FGFR4: variants seen among roughly 807,000 people sequenced by gnomAD.
FGFR4 encodes fibroblast growth factor receptor 4.
In FGFR4, 63 loss-of-function variants were observed where a neutral mutation model predicts 89.9. That is an observed-to-expected ratio of 0.70 (90% confidence interval 0.57 to 0.86). The LOEUF is 0.86. Among genes scored for constraint, FGFR4 ranks in the 40% least tolerant of loss-of-function variants. The pLI, the probability that FGFR4 is intolerant of heterozygous loss-of-function variation, is 0.00. For missense variants in FGFR4, 928 were observed against 1,106.7 expected, an observed-to-expected ratio of 0.84 and a Z score of 2.29; for synonymous variants, 486 against 479.4, an observed-to-expected ratio of 1.01 and a Z score of -0.18.
chr5:177,091,214 G>A (rs757387501), intron 5 of FGFR4, 110 bp downstream of exon 5: 27 of 1,388,692 alleles, frequency 1.9e-5, no homozygotes, highest in East Asian at 5.1e-5. Context: ...AAGCGATTGC[G>A]GGGCCCCGGA....
chr5:177,093,803 C>T lies in FGFR4; in HGVS notation c.1519+28C>T. ...GAGTGTGGCCCGGTGTGGTGGCTCA[C>T]ACCTGTAACGCCAGCACTTTAGGAG... is the stretch of plus-strand genomic sequence containing the variant. On this transcript the variant is annotated intron_variant, in intron 11 of 17. Coordinates refer to ENST00000292408, the MANE Select transcript of FGFR4 (RefSeq NM_213647.3). This position sits in a 1 kb window ranked among gnomAD's most constrained non-coding sequence, Gnocchi z 5.8. The T allele has an allele frequency of 6.3e-7, 1 of 1,598,986 alleles. No homozygotes were observed. Among genetic ancestry groups the T allele is most frequent in the Non-Finnish European group, 8.5e-7 (1 of 1,170,290 alleles).
At position 177,087,491 on chromosome 5, in the gene FGFR4, C is replaced by T; in HGVS notation, c.-54+414C>T. ...CAGTCACTTAGTGCCCGGGGGCCTC[C>T]AGCGCGAGTGCGGGAGGCTGAAGGA... On this transcript the variant is annotated intron_variant, in intron 1 of 17. Coordinates refer to ENST00000292408, the MANE Select transcript of FGFR4 (RefSeq NM_213647.3). This position sits in a 1 kb window ranked among gnomAD's most constrained non-coding sequence, Gnocchi z 6.1. The T allele has an allele frequency of 5.0e-6, 4 of 802,604 alleles. No homozygotes were observed. Among genetic ancestry groups the T allele is most frequent in the Non-Finnish European group, 6.0e-6 (4 of 663,242 alleles). The allele number at this position is 802,604 out of a possible 1,614,324, so 49.7% of individuals were successfully genotyped here.
Position 177,093,110 on chromosome 5 carries a change from G to T in FGFR4, c.1058-28G>T. On this transcript the variant is annotated intron_variant, in intron 8 of 17. Transcript: ENST00000292408. This position sits in a 1 kb window ranked among gnomAD's most constrained non-coding sequence, Gnocchi z 5.8. ...AGTCTCACCACTGACCAGTTTGTCT[G>T]TCTGTGTGTGTCCATGTGCGAGGGC... is the stretch of plus-strand genomic sequence containing the variant. The T allele has an allele frequency of 6.2e-7, 1 of 1,613,944 alleles. No homozygotes were observed. Among genetic ancestry groups the T allele is most frequent in the Non-Finnish European group, 8.5e-7 (1 of 1,179,984 alleles).
Position 177,093,475 on chromosome 5 carries a change from A to C in FGFR4, c.1321A>C (p.Ser441Arg). 6.2e-7 allele frequency: 1 copy of C among 1,613,948 alleles called. No homozygotes were observed. The stretch of plus-strand genomic sequence containing the variant: ...GGTACGAGGCGTGCGTCTCTCCTCC[A>C]GCGGCCCCGCCTTGCTCGCCGGCCT... Reference protein sequence around the residue: ...SLVRGVRLSSSGPALLAGLVS... With the variant: ...SLVRGVRLSSRGPALLAGLVS... Residue 441 changes from serine to arginine, a missense_variant, in exon 10 of 18, where the codon AGC (serine) becomes CGC (arginine). This residue lies in a region of FGFR4 where 741 missense variants were observed against 836.9 expected (regional missense o/e 0.89). Coordinates refer to ENST00000292408, the MANE Select transcript of FGFR4 (RefSeq NM_213647.3). This position sits in a 1 kb window ranked among gnomAD's most constrained non-coding sequence, Gnocchi z 5.8.
In FGFR4 at chr5:177,093,187, C is replaced by T. The variant is rs745430233; in HGVS notation, c.1107C>T (p.Asp369=). 7 of 1,613,852 alleles carry T rather than the reference C, an allele frequency of 4.3e-6. No individual in the cohort carries two copies. The South Asian group carries it at 7.7e-5, about 18-fold the overall frequency. Residue 369 remains aspartate (D), a synonymous_variant, in exon 9 of 18, where the codon GAC becomes GAT. Transcript: ENST00000292408. This position sits in a 1 kb window ranked among gnomAD's most constrained non-coding sequence, Gnocchi z 5.8. ...CAGCGCCCGAGGCCAGGTATACGGA[C>T]ATCATCCTGTACGCGTCGGGCTCCC... ...TAAAPEARYT[D]IILYASGSLA... is the part of the protein sequence containing the mutation.
intron 2 of FGFR4, 119 bp downstream of exon 2, chr5:177,089,812 A>G (rs779566121): frequency 6.0e-5 from 78 of 1,307,998 alleles, no homozygotes; most frequent in Non-Finnish European, 7.5e-5. Context: ...AGGTGGCGGC[A>G]GGGCAGGGCT....
chr5:177,091,608 G>A (rs1784368208), intron 5 of FGFR4, 77 bp from the exon 6 acceptor site: 1 of 1,577,198 alleles, frequency 6.3e-7, no homozygotes, highest in Non-Finnish European at 8.6e-7. Flanking sequence ...TGGGCAGGAT[G>A]AGGATCTAGC....
At position 177,098,111 on chromosome 5, in the gene FGFR4, A is replaced by G. The variant is rs768841993; in HGVS notation, c.*435A>G. 3.0e-5 allele frequency: 7 copies of G among 236,508 alleles called. No individual in the cohort carries two copies. Among genetic ancestry groups the G allele is most frequent in the Non-Finnish European group, 5.8e-5 (7 of 120,462 alleles). 14.7% of individuals were successfully genotyped at this position (236,508 alleles called of 1,614,324 possible). ...AGGAGCAAATGGCGTTTTATAAATT[A>G]TTTTTTTGAAATAAAGCTCTGTGTG... On this transcript the variant is annotated 3_prime_UTR_variant, in exon 18 of 18. Coordinates refer to ENST00000292408, the MANE Select transcript of FGFR4 (RefSeq NM_213647.3). The surrounding 1 kb of genome is among the most constrained non-coding windows in gnomAD (Gnocchi z 4.5).
rs35002935 is a variant in FGFR4, at chr5:177,095,442, TGG to T, written c.1630+5_1630+6del. 35 of 1,613,994 alleles carry T rather than the reference TGG, an allele frequency of 2.2e-5. No homozygotes were observed. The highest frequency in any genetic ancestry group is 2.9e-5 in the Non-Finnish European group (34 of 1,179,994). On this transcript the variant is annotated splice_donor_region_variant and intron_variant, in intron 12 of 17. Coordinates refer to ENST00000292408, the MANE Select transcript of FGFR4 (RefSeq NM_213647.3). This position sits in a 1 kb window ranked among gnomAD's most constrained non-coding sequence, Gnocchi z 5.7. The stretch of plus-strand genomic sequence containing the variant: ...TGCTTGGTGTCTGCACCCAGGAAGG[TGG>T]GGCCGAGGCGGGGCTGGCTGCACGG...
At position 177,090,534 on chromosome 5, in the gene FGFR4, T is replaced by C; in HGVS notation, c.236T>C (p.Val79Ala). Residue 79 changes from valine to alanine, a missense_variant, in exon 3 of 18, where the codon GTA (valine) becomes GCA (alanine). Physicochemically the swap from Val to Ala is moderately conservative, Grantham distance 64. Around this residue, in one of 5 missense-constraint regions of FGFR4, gnomAD observed 741 missense variants for 836.9 expected, o/e 0.89. Transcript: ENST00000292408. The stretch of plus-strand genomic sequence containing the variant: ...AGTCGCCTGGCACCTGCTGGCCGTG[T>C]ACGGGGCTGGAGGGGCCGCCTAGAG... Reference protein sequence around the residue: ...EGSRLAPAGRVRGWRGRLEIA... With the variant: ...EGSRLAPAGRARGWRGRLEIA... 2 of 1,553,106 alleles carry C rather than the reference T, an allele frequency of 1.3e-6. No homozygotes were observed. The highest frequency in any genetic ancestry group is 2.5e-5 in the South Asian group (2 of 79,962).
Position 177,093,555 on chromosome 5 carries a change from C to A in FGFR4, c.1397+4C>A. On this transcript the variant is annotated splice_donor_region_variant and intron_variant, in intron 10 of 17. Transcript: ENST00000292408. The surrounding 1 kb of genome is among the most constrained non-coding windows in gnomAD (Gnocchi z 5.8). ...TATGGGAGTTCCCCCGGGACAGGTG[C>A]GCTGAGCTGTGTGGGGGCAGGGACG... 1.2e-6 allele frequency: 2 copies of A among 1,613,142 alleles called. No homozygotes were observed. The highest frequency in any genetic ancestry group is 8.5e-7 in the Non-Finnish European group (1 of 1,179,352).
chr5:177,092,681 G>A lies in FGFR4; in HGVS notation c.954G>A (p.Leu318=). Residue 318 remains leucine (L), a synonymous_variant, in exon 8 of 18, where the codon CTG becomes CTA. Transcript: ENST00000292408. ...TCAATAGCTCAGAGGTGGAGGTCCT[G>A]TACCTGCGGAACGTGTCAGCCGAGG... is the stretch of plus-strand genomic sequence containing the variant. The part of the protein sequence containing the change: ...ADINSSEVEV[L]YLRNVSAEDA... The A allele has an allele frequency of 2.5e-6, 4 of 1,613,604 alleles. No individual in the cohort carries two copies. The highest frequency in any genetic ancestry group is 1.7e-6 in the Non-Finnish European group (2 of 1,179,514).
rs762859761 is a variant in FGFR4, at chr5:177,090,392, C to T, written c.94C>T (p.Pro32Ser). 1.6e-5 allele frequency: 26 copies of T among 1,601,220 alleles called. No individual in the cohort carries two copies. The East Asian group carries it at 2.5e-4, about 15-fold the overall frequency. Reference sequence around the variant, plus strand: ...TGACCTCTGCCCTCTGCCCACAGAGCCCTGCCTGGCTCCCAGCCTGGAGCA... The same window carrying T: ...TGACCTCTGCCCTCTGCCCACAGAGTCCTGCCTGGCTCCCAGCCTGGAGCA... Reference protein sequence around the residue: ...LEASEEVELEPCLAPSLEQQE... With the variant: ...LEASEEVELESCLAPSLEQQE... The change falls in exon 3 of 18, where the codon CCC becomes TCC. Residue 32 changes from proline to serine, a missense_variant and splice_region_variant. Around this residue, in one of 5 missense-constraint regions of FGFR4, gnomAD observed 741 missense variants for 836.9 expected, o/e 0.89. Transcript: ENST00000292408.
rs75935301 is a variant in FGFR4, at chr5:177,093,441, C to A, written c.1287C>A (p.Ser429Arg). The change falls in exon 10 of 18, where the codon AGC becomes AGA. Residue 429 changes from serine to arginine, a missense_variant. Around this residue, in one of 5 missense-constraint regions of FGFR4, gnomAD observed 741 missense variants for 836.9 expected, o/e 0.89. Coordinates refer to ENST00000292408, the MANE Select transcript of FGFR4 (RefSeq NM_213647.3). This position sits in a 1 kb window ranked among gnomAD's most constrained non-coding sequence, Gnocchi z 5.8. ...SLESGSSGKS[S>R]SSLVRGVRLS... ...AGTCAGGCTCTTCCGGCAAGTCAAG[C>A]TCATCCCTGGTACGAGGCGTGCGTC... 452 of 1,614,126 alleles carry A rather than the reference C, an allele frequency of 2.8e-4. 1 individual carries two copies. Among genetic ancestry groups the A allele is most frequent in the Admixed American group, 2.1e-3 (125 of 60,030 alleles).
In FGFR4 at chr5:177,095,634, C is replaced by G. The variant is rs756085498; in HGVS notation, c.1732C>G (p.Arg578Gly). The stretch of plus-strand genomic sequence containing the variant: ...CCCCGACCTCAGCCCCGACGGTCCT[C>G]GGAGCAGTGAGGGGCCGCTCTCCTT... ...PGPDLSPDGP[R>G]SSEGPLSFPV... The change falls in exon 13 of 18, where the codon CGG becomes GGG. Residue 578 changes from arginine to glycine, a missense_variant. Arg to Gly is a moderately radical substitution (Grantham distance 125). Around this residue, in one of 5 missense-constraint regions of FGFR4, gnomAD observed 741 missense variants for 836.9 expected, o/e 0.89. Coordinates refer to ENST00000292408, the MANE Select transcript of FGFR4 (RefSeq NM_213647.3). This position sits in a 1 kb window ranked among gnomAD's most constrained non-coding sequence, Gnocchi z 5.7. The G allele has an allele frequency of 6.2e-7, 1 of 1,606,114 alleles. No homozygotes were observed. Among genetic ancestry groups the G allele is most frequent in the Non-Finnish European group, 8.5e-7 (1 of 1,177,586 alleles).
intron 1 of FGFR4, 21 bp from the exon 2 acceptor site, chr5:177,089,529 T>C: frequency 6.5e-7 from 1 of 1,537,818 alleles, no homozygotes. Context: ...TAGCAGGAGC[T>C]CTTTTCCCTC....
chr5:177,097,484 C>CA (rs747009175), intron 17 of FGFR4, 43 bp from the exon 18 acceptor site: 1 of 1,604,728 alleles, frequency 6.2e-7, no homozygotes, highest in Non-Finnish European at 8.5e-7. Context: ...CGCCCCGTCC[C>CA]ATCCCGGGCG....
intron 5 of FGFR4, 68 bp downstream of exon 5, chr5:177,091,172 ACAAG>A: frequency 6.8e-7 from 1 of 1,470,268 alleles, no homozygotes; most frequent in Non-Finnish European, 9.1e-7. Context: ...CCTCATACCT[ACAAG>A]CATACCTATA....
rs375390888 is a variant in FGFR4, at chr5:177,092,744, C to T, written c.1017C>T (p.Ile339=). The T allele has an allele frequency of 6.8e-5, 110 of 1,614,128 alleles. No homozygotes were observed. The highest frequency in any genetic ancestry group is 8.5e-5 in the Non-Finnish European group (100 of 1,180,054). Reference sequence around the variant, plus strand: ...ACACCTGCCTCGCAGGCAATTCCATCGGCCTCTCCTACCAGTCTGCCTGGC... The same window carrying T: ...ACACCTGCCTCGCAGGCAATTCCATTGGCCTCTCCTACCAGTCTGCCTGGC... The part of the protein sequence containing the change: ...GEYTCLAGNS[I]GLSYQSAWLT... The change falls in exon 8 of 18, where the codon ATC becomes ATT. Residue 339 remains isoleucine (I), a synonymous_variant. Transcript: ENST00000292408.
Sources: gnomAD v4.1 joint callset for allele counts on GRCh38, gnomAD v4.1.1 for gene constraint, gnomAD v4.1.1 regional missense constraint, Gnocchi (gnomAD v3.1) non-coding constraint, MANE v1.5 for transcripts, NCBI Gene and HGNC (gene_info 2026-07-23, HGNC 2026-07-21) for gene names.